Variants in PDGFD observed in about 807,000 individuals in gnomAD.
PDGFD encodes platelet derived growth factor D.
In PDGFD, 30 loss-of-function variants were observed where a neutral mutation model predicts 44.7. The ratio of observed to expected loss-of-function variants is 0.67; its 90% CI spans 0.50 to 0.91. The LOEUF is 0.91. PDGFD is among the 40% of genes least tolerant of loss of function. PDGFD has a pLI of 0.00. For missense variants in PDGFD, 445 were observed against 457.8 expected (o/e 0.97, Z 0.25); for synonymous variants, 173 against 168.4 (o/e 1.03, Z -0.21).
chr11:103,970,656 G>A (rs957537437), intron 3 of PDGFD, among the ~76,000 whole-genome samples: 6 of 152,054 alleles, frequency 3.9e-5, no homozygotes, highest in African/African-American at 7.2e-5. Flanking sequence ...ATTGACTAAG[G>A]AATTAAGTAC....
chr11:104,077,703 C>T (rs934575423), intron 1 of PDGFD, among the ~76,000 whole-genome samples: 2 of 150,502 alleles, frequency 1.3e-5, no homozygotes, highest in Non-Finnish European at 1.5e-5. Context: ...CCTCATGATC[C>T]TCCATCCCAA....
chr11:103,926,596 TTCTG>T (rs965071722), intron 6 of PDGFD, among the ~76,000 whole-genome samples: 1 of 152,248 alleles, frequency 6.6e-6, no homozygotes, highest in African/African-American at 2.4e-5. Flanking sequence ...TTCTCTTTTT[TTCTG>T]TCTTTCTGCA....
At chr11:104,045,677 T>TTTTTTTTTTTTTTTTTTTTTTTTTG (rs1178715193) in intron 1 of PDGFD, among the ~76,000 whole-genome samples, 28 of 148,332 alleles carry the variant, frequency 1.9e-4, no homozygotes, top group African/African-American at 6.6e-4. Flanking sequence ...TTGAGTTTTT[T>TTTTTTTTTTTTTTTTTTTTTTTTTG]AAGAGAATAT....
chr11:104,141,634 G>A (rs919931375), intron 1 of PDGFD, among the ~76,000 whole-genome samples: 1 of 152,122 alleles, frequency 6.6e-6, no homozygotes, highest in African/African-American at 2.4e-5. Context: ...GTCTTGTGAG[G>A]AAGAGCTTAT....
chr11:104,022,434 C>T (rs998527088), intron 1 of PDGFD, among the ~76,000 whole-genome samples: 13 of 152,070 alleles, frequency 8.5e-5, no homozygotes, highest in Admixed American at 6.6e-4. Flanking sequence ...TAGGATAATG[C>T]TTTTGTAATT....
intron 1 of PDGFD, among the ~76,000 whole-genome samples, chr11:104,069,408 A>G (rs984982966): frequency 6.6e-6 from 1 of 152,204 alleles, no homozygotes; most frequent in African/African-American, 2.4e-5. Context: ...GGTATCTTCC[A>G]TATTTTTCCA....
intron 1 of PDGFD, among the ~76,000 whole-genome samples, chr11:104,124,211 G>C (rs1002770472): frequency 3.3e-5 from 5 of 151,996 alleles, no homozygotes; most frequent in African/African-American, 1.2e-4. Flanking sequence ...CTGAAGAAAA[G>C]TGACTTTAAA....
intron 1 of PDGFD, among the ~76,000 whole-genome samples, chr11:104,121,980 G>C (rs1210203556): frequency 3.9e-5 from 6 of 151,962 alleles, no homozygotes; most frequent in African/African-American, 1.4e-4. Context: ...AGCAAACCTA[G>C]GGATATCCAA....
At chr11:103,925,327 G>C (rs1253143958) in intron 6 of PDGFD, among the ~76,000 whole-genome samples, 1 of 152,016 alleles carries the variant, frequency 6.6e-6, no homozygotes, top group Non-Finnish European at 1.5e-5. Context: ...CCCAGTAATG[G>C]GATTGCTGTG....
At chr11:104,114,552 T>G (rs550734404) in intron 1 of PDGFD, among the ~76,000 whole-genome samples, 5 of 152,162 alleles carry the variant, frequency 3.3e-5, no homozygotes, top group Non-Finnish European at 5.9e-5. Context: ...TGTTTTCACA[T>G]CCTTTAATAT....
intron 1 of PDGFD, among the ~76,000 whole-genome samples, chr11:104,095,487 CA>C (rs1030547377): frequency 6.6e-6 from 1 of 152,004 alleles, no homozygotes; most frequent in East Asian, 1.9e-4. Flanking sequence ...TTTCAGTCAC[CA>C]AAAGACCCTG....
intron 1 of PDGFD, among the ~76,000 whole-genome samples, chr11:104,013,195 A>G (rs956612048): frequency 6.6e-6 from 1 of 152,108 alleles, no homozygotes; most frequent in Admixed American, 6.5e-5. Flanking sequence ...TTCCCAATCC[A>G]TCTCTTTTCC....
chr11:104,102,688 T>A (rs942904846), intron 1 of PDGFD, among the ~76,000 whole-genome samples: 2 of 152,132 alleles, frequency 1.3e-5, no homozygotes, highest in South Asian at 2.1e-4. Context: ...CAAATGTCCA[T>A]CAGTGATAGA....
At chr11:103,926,501 G>C (rs1375193983) in intron 6 of PDGFD, among the ~76,000 whole-genome samples, 5 of 152,030 alleles carry the variant, frequency 3.3e-5, no homozygotes, top group African/African-American at 1.2e-4. Context: ...TCTTTATTGT[G>C]CCAAATTTAT....
At chr11:103,951,066 TA>T (rs1170876282) in intron 3 of PDGFD, among the ~76,000 whole-genome samples, 1 of 152,200 alleles carries the variant, frequency 6.6e-6, no homozygotes, top group East Asian at 1.9e-4. Flanking sequence ...GAAATTTTAA[TA>T]AGAGCAAATG....
At chr11:104,088,793 T>C (rs756363240) in intron 1 of PDGFD, among the ~76,000 whole-genome samples, 1 of 152,122 alleles carries the variant, frequency 6.6e-6, no homozygotes. Flanking sequence ...ACAGCCAGAT[T>C]ATGTTCTCAG....
chr11:103,928,889 C>A (rs1050101500), intron 5 of PDGFD, among the ~76,000 whole-genome samples: 46 of 152,156 alleles, frequency 3.0e-4, no homozygotes, highest in African/African-American at 1.0e-3. Flanking sequence ...ACAAGTGTCA[C>A]CTTGAGATAA....
At chr11:104,037,665 G>C in intron 1 of PDGFD, 2 of 1,614,148 alleles carry the variant, frequency 1.2e-6, no homozygotes, top group Non-Finnish European at 1.7e-6. Flanking sequence ...TCATGAGGCT[G>C]GTGGACCGAC....
At chr11:104,003,280 G>A (rs1024897639) in intron 1 of PDGFD, among the ~76,000 whole-genome samples, 6 of 152,230 alleles carry the variant, frequency 3.9e-5, no homozygotes, top group Non-Finnish European at 8.8e-5. Flanking sequence ...TGAGACATAA[G>A]AGGCTAGAAG....
Sources: allele counts gnomAD v4.1 joint callset (sites outside exome capture counted in the v4.1 genomes callset), GRCh38; gene constraint gnomAD v4.1.1; transcripts MANE v1.5; gene names NCBI Gene and HGNC (gene_info 2026-07-23, HGNC 2026-07-21).